DOCK3: variants seen among roughly 807,000 people sequenced by gnomAD.
The protein encoded by DOCK3 is dedicator of cytokinesis 3.
In DOCK3, 60 loss-of-function variants were observed where a neutral mutation model predicts 265.6. The ratio of observed to expected loss-of-function variants is 0.23; its 90% CI spans 0.18 to 0.28. The LOEUF (loss-of-function observed/expected upper bound fraction) is 0.28. DOCK3 is among the 10% of genes least tolerant of loss of function. The pLI is 1.00. For synonymous variants in DOCK3, 881 were observed against 938.0 expected (o/e 0.94, Z 1.11); for missense variants, 1,981 against 2,594.3 (o/e 0.76, Z 5.14).
chr3:51,229,463 A>T (rs1560246712), intron 18 of DOCK3, 49 bp from the exon 19 acceptor site: 2 of 1,353,098 alleles, frequency 1.5e-6, no homozygotes, highest in African/African-American at 1.5e-5. Context: ...AAAAAAAAAA[A>T]GAATATCCAG....
At chr3:51,023,660 C>T (rs1267935050) in intron 5 of DOCK3, among the ~76,000 whole-genome samples, 1 of 152,206 alleles carries the variant, frequency 6.6e-6, no homozygotes, top group African/African-American at 2.4e-5. Context: ...AGCTGATCTG[C>T]CCGCCTTGGC....
chr3:51,236,559 G>C (rs1007736333), intron 20 of DOCK3, 131 bp downstream of exon 20: 5 of 876,508 alleles, frequency 5.7e-6, no homozygotes, highest in Non-Finnish European at 8.8e-6. Flanking sequence ...AGGGACTAAG[G>C]ACTGTCACCC....
chr3:51,308,047 T>C (rs554970159), intron 27 of DOCK3, among the ~76,000 whole-genome samples: 10 of 151,882 alleles, frequency 6.6e-5, no homozygotes, highest in Non-Finnish European at 1.3e-4. Flanking sequence ...GTCAGGACTT[T>C]TTGTAGGAGT....
At chr3:50,751,288 A>C (rs1163720014) in intron 1 of DOCK3, among the ~76,000 whole-genome samples, 1 of 151,206 alleles carries the variant, frequency 6.6e-6, no homozygotes, top group Non-Finnish European at 1.5e-5. Context: ...AAGTTCTGAG[A>C]TACATGTGCA....
intron 22 of DOCK3, among the ~76,000 whole-genome samples, chr3:51,251,524 C>T (rs2079238182): frequency 6.6e-6 from 1 of 152,204 alleles, no homozygotes; most frequent in Non-Finnish European, 1.5e-5. Context: ...ACATCCTCTC[C>T]AGCACCTGTT....
At chr3:51,188,869 A>G (rs943204389) in intron 12 of DOCK3, among the ~76,000 whole-genome samples, 4 of 152,034 alleles carry the variant, frequency 2.6e-5, no homozygotes, top group Non-Finnish European at 5.9e-5. Flanking sequence ...TTGATTCCAT[A>G]TCTTTGCTAT....
At chr3:51,270,186 GT>G (rs950732314) in intron 23 of DOCK3, among the ~76,000 whole-genome samples, 7 of 152,290 alleles carry the variant, frequency 4.6e-5, no homozygotes, top group African/African-American at 1.7e-4. Flanking sequence ...GTCCTCAAGA[GT>G]TTATGGCTAA....
At chr3:50,764,687 T>C (rs1339072028) in intron 1 of DOCK3, among the ~76,000 whole-genome samples, 1 of 152,092 alleles carries the variant, frequency 6.6e-6, no homozygotes, top group South Asian at 2.1e-4. Flanking sequence ...CACATACCTG[T>C]AGTTCCAGCT....
chr3:51,128,486 C>A (rs1333821236), intron 9 of DOCK3, among the ~76,000 whole-genome samples: 1 of 152,206 alleles, frequency 6.6e-6, no homozygotes, highest in Non-Finnish European at 1.5e-5. Flanking sequence ...CCCACTGCCA[C>A]ACTTCTTTAG....
At chr3:50,744,760 T>C (rs991745569) in intron 1 of DOCK3, among the ~76,000 whole-genome samples, 1 of 152,212 alleles carries the variant, frequency 6.6e-6, no homozygotes, top group African/African-American at 2.4e-5. Flanking sequence ...TATGTGTTGA[T>C]AGGTAAAGGT....
At chr3:50,973,954 T>C (rs1404265310) in intron 5 of DOCK3, among the ~76,000 whole-genome samples, 1 of 146,086 alleles carries the variant, frequency 6.8e-6, no homozygotes, top group Non-Finnish European at 1.5e-5. Flanking sequence ...GAAGTGTCTG[T>C]TCATGTCCTT....
chr3:51,199,871 T>C (rs999463426), intron 12 of DOCK3, among the ~76,000 whole-genome samples: 1 of 152,088 alleles, frequency 6.6e-6, no homozygotes, highest in African/African-American at 2.4e-5. Context: ...GCATTCGCGG[T>C]TCACGAAAAA....
At chr3:50,997,094 A>G (rs1282186232) in intron 5 of DOCK3, among the ~76,000 whole-genome samples, 1 of 152,122 alleles carries the variant, frequency 6.6e-6, no homozygotes, top group Non-Finnish European at 1.5e-5. Flanking sequence ...TTCAGCCATT[A>G]TTGTTTTCTG....
At chr3:51,237,170 A>G (rs1182109933) in intron 20 of DOCK3, among the ~76,000 whole-genome samples, 3 of 151,218 alleles carry the variant, frequency 2.0e-5, no homozygotes, top group Non-Finnish European at 4.4e-5. Context: ...CTTATTGTTT[A>G]TGCCATCTAC....
At chr3:51,279,194 G>A (rs1343514656) in intron 26 of DOCK3, among the ~76,000 whole-genome samples, 2 of 152,182 alleles carry the variant, frequency 1.3e-5, no homozygotes, top group African/African-American at 4.8e-5. Flanking sequence ...GGAGGTTGCA[G>A]TGAGCCAAGA....
At chr3:51,103,385 G>T (rs2083157120) in intron 9 of DOCK3, among the ~76,000 whole-genome samples, 1 of 152,186 alleles carries the variant, frequency 6.6e-6, no homozygotes, top group African/African-American at 2.4e-5. Context: ...AGCAAAGCTA[G>T]TTTATAAATG....
At chr3:50,870,106 T>G (rs947549253) in intron 3 of DOCK3, among the ~76,000 whole-genome samples, 3 of 152,354 alleles carry the variant, frequency 2.0e-5, no homozygotes, top group Admixed American at 6.5e-5. Context: ...CATGAAATGT[T>G]CTGTAAATAT....
rs527908747 is a variant in DOCK3, at chr3:51,266,233, C to T, written c.2356-4582C>T. 1.7e-4 allele frequency among the ~76,000 whole-genome samples: 26 copies of T among 152,186 alleles called. No individual in the cohort carries two copies. The East Asian group carries it at 4.1e-3, about 24-fold the overall frequency. ...GCTCATGGATAGGAAGAATCAATAT[C>T]GTGAAAATGGCCATACTGCCCAAAG... On this transcript the variant is annotated intron_variant, in intron 23 of 52. Coordinates refer to ENST00000266037, the MANE Select transcript of DOCK3 (RefSeq NM_004947.5).
chr3:51,252,435 C>G (rs1297722426), intron 22 of DOCK3, among the ~76,000 whole-genome samples: 1 of 152,174 alleles, frequency 6.6e-6, no homozygotes, highest in African/African-American at 2.4e-5. Flanking sequence ...GGCATTGAAT[C>G]TATAAATTAC....
Sources: gnomAD v4.1 joint callset for allele counts (sites outside exome capture counted in the v4.1 genomes callset) on GRCh38, gnomAD v4.1.1 for gene constraint, MANE v1.5 for transcripts, NCBI Gene and HGNC (gene_info 2026-07-23, HGNC 2026-07-21) for gene names.